The following WDR35 variants were observed in gnomAD, a reference collection of about 807,000 sequenced individuals.
WDR35 encodes the protein WD repeat-containing protein 35.
Under a neutral mutation model 158.3 loss-of-function variants are expected in WDR35, and 118 were observed. The ratio of observed to expected loss-of-function variants is 0.75; its 90% confidence interval spans 0.64 to 0.87. WDR35 has a LOEUF of 0.87. Ranked by LOEUF, WDR35 falls within the 40% of genes least tolerant of loss-of-function variation. The pLI is 0.00. For missense variants in WDR35, 1,263 were observed against 1,405.8 expected, an observed-to-expected ratio of 0.90 and a Z score of 1.62; for synonymous variants, 448 against 476.1, an observed-to-expected ratio of 0.94 and a Z score of 0.77.
chr2:19,976,350 C>T (rs1672210274), intron 5 of WDR35, among the ~76,000 whole-genome samples: 1 of 152,106 alleles, frequency 6.6e-6, no homozygotes, highest in South Asian at 2.1e-4. Flanking sequence ...CTATAGTCTC[C>T]ACTTCAACTG....
intron 2 of WDR35, among the ~76,000 whole-genome samples, chr2:19,986,241 CA>C (rs1214629338): frequency 6.6e-6 from 1 of 152,132 alleles, no homozygotes; most frequent in Admixed American, 6.5e-5. Context: ...GTTTTGAACA[CA>C]GTAAATAGGA....
Position 19,930,392 on chromosome 2 carries a change from C to T in WDR35, c.3121+4G>A. The T allele has an allele frequency of 6.2e-7, 1 of 1,614,086 alleles. No individual in the cohort carries two copies. Among genetic ancestry groups the T allele is most frequent in the Admixed American group, 1.7e-5 (1 of 60,010 alleles). ...ATACTATACACATTAGGTGACATGCCCACCTGTCTTCAGTGCAGTGTCCAC... is the reference window on the plus strand; with the variant it reads ...ATACTATACACATTAGGTGACATGCTCACCTGTCTTCAGTGCAGTGTCCAC... On this transcript the variant is annotated splice_donor_region_variant and intron_variant, in intron 25 of 26. Transcript: ENST00000281405.
At chr2:19,921,188 T>G (rs950047945) in intron 25 of WDR35, among the ~76,000 whole-genome samples, 5 of 152,196 alleles carry the variant, frequency 3.3e-5, no homozygotes, top group African/African-American at 9.6e-5. Context: ...GCTATCCCAA[T>G]CAAGCTACCA....
intron 17 of WDR35, 98 bp downstream of exon 17, chr2:19,941,661 C>T (rs1425126815): frequency 1.8e-5 from 16 of 871,640 alleles, no homozygotes; most frequent in Non-Finnish European, 2.5e-5. Flanking sequence ...ATATATCTGA[C>T]TCCTGGGTCC....
chr2:19,926,242 T>C (rs1016845150), intron 25 of WDR35, among the ~76,000 whole-genome samples: 1 of 152,262 alleles, frequency 6.6e-6, no homozygotes, highest in Non-Finnish European at 1.5e-5. Flanking sequence ...GTTTCTTTAC[T>C]ATCCCCTTAG....
rs533392334 is a variant in WDR35, at chr2:19,966,650, A to G, written c.1194+74T>C. ...TGATGTACTTGCCAGTGTAGAGGCC[A>G]TGCTTGAAAAGGTAGAAAACTATAA... is the stretch of plus-strand genomic sequence containing the variant. On this transcript the variant is annotated intron_variant, in intron 10 of 26. Coordinates refer to ENST00000281405, the MANE Select transcript of WDR35 (RefSeq NM_020779.4). The G allele has an allele frequency of 2.6e-6, 4 of 1,541,692 alleles. No homozygotes were observed. The East Asian group carries it at 6.8e-5, about 26-fold the overall frequency.
intron 16 of WDR35, among the ~76,000 whole-genome samples, chr2:19,945,244 C>A (rs1432059110): frequency 6.6e-6 from 1 of 151,894 alleles, no homozygotes; most frequent in Non-Finnish European, 1.5e-5. Flanking sequence ...TCCTCATACC[C>A]AAAAGAGAGA....
rs751116318 is a variant in WDR35 at position 19,975,614 on chromosome 2, T to C, written c.486A>G (p.Val162=). The C allele has an allele frequency of 6.2e-7, 1 of 1,614,110 alleles. No individual in the cohort carries two copies. Among genetic ancestry groups the C allele is most frequent in the Admixed American group, 1.7e-5 (1 of 60,030 alleles). ...KDLKGIQLSH[V]TWSADSKVLL... ...AGACTTTACTGTCCGCAGACCATGT[T>C]ACATGGGATAGCTGTATACCCTTCA... The change falls in exon 6 of 27, where the codon GTA becomes GTG. Residue 162 remains valine, a synonymous_variant. Transcript: ENST00000281405.
intron 16 of WDR35, among the ~76,000 whole-genome samples, chr2:19,942,875 T>C (rs1670921725): frequency 6.6e-6 from 1 of 152,094 alleles, no homozygotes; most frequent in Non-Finnish European, 1.5e-5. Flanking sequence ...GTATGCAAGA[T>C]AATTCTTTTT....
intron 4 of WDR35, 148 bp from the exon 5 acceptor site, chr2:19,979,027 C>T: frequency 1.0e-6 from 1 of 954,724 alleles, no homozygotes; most frequent in Non-Finnish European, 1.5e-6. Flanking sequence ...ATAAAACTTC[C>T]AAATCCAACA....
intron 10 of WDR35, among the ~76,000 whole-genome samples, chr2:19,961,200 C>T (rs1393382586): frequency 6.6e-6 from 1 of 152,002 alleles, no homozygotes; most frequent in East Asian, 1.9e-4. Context: ...GGACAATGCC[C>T]TAAAGAAATC....
Position 19,922,996 on chromosome 2 carries a change from C to T in WDR35, c.3121+7400G>A, listed in dbSNP as rs181239414. 2.0e-3 allele frequency among the ~76,000 whole-genome samples: 299 copies of T among 152,366 alleles called. 1 individual carries two copies. The highest frequency in any genetic ancestry group is 6.9e-3 in the African/African-American group (288 of 41,590). On this transcript the variant is annotated intron_variant, in intron 25 of 26. Transcript: ENST00000281405. ...AAGGACATGCTCCTGCTGCAGATAA[C>T]TAGCCAGACCCATCCCTTTATTTCA...
intron 25 of WDR35, among the ~76,000 whole-genome samples, chr2:19,919,322 A>G (rs1416346319): frequency 6.9e-6 from 1 of 145,110 alleles, no homozygotes; most frequent in East Asian, 2.1e-4. Context: ...CGGAGCTTGC[A>G]GTGAGCTGAG....
At chr2:19,979,374 G>A (rs1234885797) in intron 4 of WDR35, among the ~76,000 whole-genome samples, 1 of 152,052 alleles carries the variant, frequency 6.6e-6, no homozygotes, top group Admixed American at 6.5e-5. Context: ...CAAAGAGAAT[G>A]AAGGCAAAAA....
intron 21 of WDR35, 90 bp downstream of exon 21, chr2:19,935,381 T>C (rs975023772): frequency 2.8e-6 from 4 of 1,407,876 alleles, no homozygotes; most frequent in South Asian, 2.6e-5. Flanking sequence ...ATTTTTAATT[T>C]TCTTTATTGT....
In WDR35 at chr2:19,930,474, CT is replaced by C; in HGVS notation, c.3042del (p.Ala1016GlnfsTer23). On this transcript the variant is annotated frameshift_variant, in exon 25 of 27. Transcript: ENST00000281405. LOFTEE classifies it high-confidence loss of function. ...ATAAAGAAGTGGTAAGCCTCTGCCC[CT>C]CTCCATGCATTATCTGTGAAACGAT... ...TTDRFTDNAW[R>X]GAEAYHFFIL... 5 of 1,614,130 alleles carry C rather than the reference CT, an allele frequency of 3.1e-6. No individual in the cohort carries two copies. The highest frequency in any genetic ancestry group is 4.2e-6 in the Non-Finnish European group (5 of 1,180,018).
chr2:19,969,386 TC>T (rs1671962610), intron 9 of WDR35, 93 bp downstream of exon 9: 1 of 1,366,448 alleles, frequency 7.3e-7, no homozygotes, highest in East Asian at 2.4e-5. Flanking sequence ...TTCTGCTAGC[TC>T]CTAAAACAAG....
intron 25 of WDR35, among the ~76,000 whole-genome samples, chr2:19,919,380 C>CAAAAAAAAAAAAAAAAA (rs1302042752): frequency 6.2e-5 from 3 of 48,212 alleles, no homozygotes; most frequent in Non-Finnish European, 8.6e-5. Flanking sequence ...GGCTCCATCT[C>CAAAAAAAAAAAAAAAAA]AAAAAAAAAA....
chr2:19,936,781 C>T (rs1670710690), intron 19 of WDR35, among the ~76,000 whole-genome samples: 1 of 152,122 alleles, frequency 6.6e-6, no homozygotes, highest in African/African-American at 2.4e-5. Flanking sequence ...CAACAGACAC[C>T]AAACTTGTTG....
Sources: gnomAD v4.1 joint callset for allele counts (sites outside exome capture counted in the v4.1 genomes callset) on GRCh38, gnomAD v4.1.1 for gene constraint, MANE v1.5 for transcripts, NCBI Gene and HGNC (gene_info 2026-07-23, HGNC 2026-07-21) for gene names.